The following PLTP variants were observed in gnomAD, a reference collection of about 807,000 sequenced individuals.
The protein encoded by PLTP is BPI fold containing family E.
PLTP carries 43 observed loss-of-function variants against 54.1 expected under a neutral mutation model. The ratio of observed to expected loss-of-function variants is 0.79; its 90% CI spans 0.62 to 1.02. PLTP has a LOEUF of 1.02. Among genes scored for constraint, PLTP ranks in the 50% least tolerant of loss-of-function variants. PLTP has a pLI of 0.00. For missense variants in PLTP, 604 were observed against 645.9 expected (o/e 0.94, Z 0.70); for synonymous variants, 263 against 264.6 (o/e 0.99, Z 0.06).
chr20:45,901,388 G>A (rs528944024), intron 12 of PLTP, among the ~76,000 whole-genome samples: 1 of 151,966 alleles, frequency 6.6e-6, no homozygotes, highest in African/African-American at 2.4e-5. Flanking sequence ...ACTTGAGCCC[G>A]AGAATTGGAG....
At chr20:45,899,812 G>GGGGCCCCCCCCCCCCCCCCCAC in intron 13 of PLTP, 24 bp downstream of exon 13, 1 of 309,346 alleles carries the variant, frequency 3.2e-6, no homozygotes, top group South Asian at 2.1e-5. Context: ...ACCCAGCCCA[G>GGGGCCCCCCCCCCCCCCCCCAC]CCCACCCACC....
chr20:45,899,614 A>G lies in PLTP; in HGVS notation c.1282+8T>C, dbSNP rs754936086. The G allele has an allele frequency of 6.2e-7, 1 of 1,613,870 alleles. No homozygotes were observed. The highest frequency in any genetic ancestry group is 8.5e-7 in the Non-Finnish European group (1 of 1,179,972). On this transcript the variant is annotated splice_region_variant and intron_variant, in intron 14 of 15. Transcript: ENST00000372431. ...CTTTCTTCCTCCATCCTCACACCCC[A>G]GCCTTACCATTGAGCATGGGCATCA...
chr20:45,903,873 T>C (rs1370543639), intron 10 of PLTP, among the ~76,000 whole-genome samples: 1 of 152,044 alleles, frequency 6.6e-6, no homozygotes, highest in Non-Finnish European at 1.5e-5. Flanking sequence ...TAAAAATTTA[T>C]TTTTCAATAG....
Position 45,907,566 on chromosome 20 carries a change from G to T in PLTP, c.613+126C>A, listed in dbSNP as rs529198412. On this transcript the variant is annotated intron_variant, in intron 7 of 15. Transcript: ENST00000372431. ...AGAAATGAGCACTTCACCCAAAATCGCACAACAAGTCAGCTCCAGGGGCCA... is the reference window on the plus strand; with the variant it reads ...AGAAATGAGCACTTCACCCAAAATCTCACAACAAGTCAGCTCCAGGGGCCA... 76 of 888,224 alleles carry T rather than the reference G, an allele frequency of 8.6e-5. No individual in the cohort carries two copies. In the African/African-American group the frequency reaches 1.2e-3, roughly 14 times the overall value. 55.0% of individuals were successfully genotyped at this position (888,224 alleles called of 1,614,324 possible). A position where few individuals can be genotyped will look rare whatever the true frequency, so the allele number is the denominator to read the frequency against.
chr20:45,900,649 T>G (rs1331244114), intron 12 of PLTP, among the ~76,000 whole-genome samples: 4 of 152,120 alleles, frequency 2.6e-5, no homozygotes, highest in African/African-American at 9.7e-5. Flanking sequence ...CACCTCAGGC[T>G]TCCAAGTAGC....
intron 13 of PLTP, 24 bp downstream of exon 13, chr20:45,899,812 G>GCCCCCCCCCCCC: frequency 3.2e-6 from 1 of 309,344 alleles, no homozygotes; most frequent in South Asian, 2.1e-5. Context: ...ACCCAGCCCA[G>GCCCCCCCCCCCC]CCCACCCACC....
At chr20:45,906,432 G>A in intron 7 of PLTP, 73 bp from the exon 8 acceptor site, 1 of 1,103,842 alleles carries the variant, frequency 9.1e-7, no homozygotes, top group Non-Finnish European at 1.4e-6. Flanking sequence ...CAGGCTCAGA[G>A]GCCCACCCAT....
rs1363122487 is a variant in PLTP, at chr20:45,904,867, G to A, written c.883-8C>T. ...GTCCAGGTCGTGGGGCACCTGAACAGGGGAATCAGGAGTGAGGGAGTGAGC... is the reference window on the plus strand; with the variant it reads ...GTCCAGGTCGTGGGGCACCTGAACAAGGGAATCAGGAGTGAGGGAGTGAGC... On this transcript the variant is annotated splice_region_variant and splice_polypyrimidine_tract_variant and intron_variant, in intron 9 of 15. Coordinates refer to ENST00000372431, the MANE Select transcript of PLTP (RefSeq NM_006227.4). 1.9e-6 allele frequency: 3 copies of A among 1,614,086 alleles called. No homozygotes were observed. Among genetic ancestry groups the A allele is most frequent in the East Asian group, 4.5e-5 (2 of 44,894 alleles).
chr20:45,902,800 A>C (rs2083199911), intron 10 of PLTP, among the ~76,000 whole-genome samples, 196 bp from the exon 11 acceptor site: 1 of 152,222 alleles, frequency 6.6e-6, no homozygotes, highest in Non-Finnish European at 1.5e-5. Flanking sequence ...AGAAACAGGA[A>C]TGTGTTCTTC....
intron 12 of PLTP, 90 bp downstream of exon 12, chr20:45,902,177 C>G: frequency 7.4e-7 from 1 of 1,352,126 alleles, no homozygotes. Flanking sequence ...CAGTGGCTTA[C>G]AGGTATCACT....
rs910566307 is a variant in PLTP at position 45,910,088 on chromosome 20, G to C, written c.201-18C>G. On this transcript the variant is annotated intron_variant, in intron 3 of 15. Transcript: ENST00000372431. ...CCTTCACCCTACAGGAGGCCTCAGG[G>C]TCAGATCCAGGGCCAAGAAGAGGGA... is the stretch of plus-strand genomic sequence containing the variant. The C allele has an allele frequency of 6.2e-7, 1 of 1,613,432 alleles. No homozygotes were observed.
chr20:45,905,001 A>T lies in PLTP; in HGVS notation c.823T>A (p.Ser275Thr). 6.2e-7 allele frequency: 1 copy of T among 1,614,232 alleles called. No homozygotes were observed. The highest frequency in any genetic ancestry group is 8.5e-7 in the Non-Finnish European group (1 of 1,180,044). ...YVAFSEFFFD[S>T]AMESYFRAGA... Reference sequence around the variant, plus strand: ...GCCCGGAAGTAGCTCTCCATGGCAGAGTCGAAGAAGAACTCAGAGAAGGCC... The same window carrying T: ...GCCCGGAAGTAGCTCTCCATGGCAGTGTCGAAGAAGAACTCAGAGAAGGCC... Residue 275 changes from serine (S) to threonine (T), a missense_variant, in exon 9 of 16, where the codon TCT (serine) becomes ACT (threonine). Physicochemically the swap from Ser to Thr is moderately conservative, Grantham distance 58 (BLOSUM62 1). Coordinates refer to ENST00000372431, the MANE Select transcript of PLTP (RefSeq NM_006227.4).
intron 5 of PLTP, 52 bp from the exon 6 acceptor site, chr20:45,907,956 C>T (rs1217589747): frequency 6.8e-7 from 1 of 1,473,962 alleles, no homozygotes; most frequent in Non-Finnish European, 9.3e-7. Flanking sequence ...CCACCCCAGT[C>T]CAGGTCCAGG....
rs986768403 is a variant in PLTP, at chr20:45,898,635, G to T, written c.*306C>A. 1.4e-6 allele frequency: 1 copy of T among 717,386 alleles called. No individual in the cohort carries two copies. The highest frequency in any genetic ancestry group is 2.7e-5 in the East Asian group (1 of 37,068). 44.4% of individuals were successfully genotyped at this position (717,386 alleles called of 1,614,324 possible). A position where few individuals can be genotyped will look rare whatever the true frequency, so the allele number is the denominator to read the frequency against. On this transcript the variant is annotated 3_prime_UTR_variant, in exon 16 of 16. Transcript: ENST00000372431. This position sits in a 1 kb window ranked among gnomAD's most constrained non-coding sequence, Gnocchi z 4.6. Reference sequence around the variant, plus strand: ...CCATAGACAGCCTGGGGGCAAGTTAGCACTTTATTCCCGCAGCAGTTCCTG... The same window carrying T: ...CCATAGACAGCCTGGGGGCAAGTTATCACTTTATTCCCGCAGCAGTTCCTG...
rs776690517 is a variant in PLTP at position 45,902,748 on chromosome 20, ACT to A, written c.943-146_943-145del. On this transcript the variant is annotated intron_variant, in intron 10 of 15. Transcript: ENST00000372431. ...TACAGAGGGAGCTCTGGCTTCCAAA[ACT>A]CTCACATCTGCATCTAGCCTTCATG... is the stretch of plus-strand genomic sequence containing the variant. 2.5e-5 allele frequency: 20 copies of A among 787,996 alleles called. No individual in the cohort carries two copies. In the South Asian group the frequency reaches 3.0e-4, roughly 12 times the overall value. 48.8% of individuals were successfully genotyped at this position (787,996 alleles called of 1,614,324 possible).
chr20:45,908,716 C>T (rs11569642), intron 5 of PLTP, among the ~76,000 whole-genome samples: 2,139 of 151,928 alleles, frequency 0.014, 22 homozygotes, highest in East Asian at 0.039. Context: ...GCAGGAGAAT[C>T]GTTTGAACCC....
intron 15 of PLTP, 51 bp downstream of exon 15, chr20:45,899,411 T>A: frequency 6.4e-7 from 1 of 1,574,672 alleles, no homozygotes; most frequent in Non-Finnish European, 8.7e-7. Flanking sequence ...ACTGGGGAGC[T>A]ATAGAGAGAG....
At chr20:45,902,198 C>G (rs1312679240) in intron 12 of PLTP, 69 bp downstream of exon 12, 4 of 1,516,088 alleles carry the variant, frequency 2.6e-6, no homozygotes. Flanking sequence ...GTACTTTAAG[C>G]GCAACATCCC....
intron 3 of PLTP, 131 bp downstream of exon 3, chr20:45,911,021 G>A (rs1265655823): frequency 5.6e-6 from 9 of 1,595,568 alleles, no homozygotes; most frequent in Non-Finnish European, 6.8e-6. Flanking sequence ...GGTTTCTTAA[G>A]TCTTGCCTCA....
Sources: allele counts gnomAD v4.1 joint callset (sites outside exome capture counted in the v4.1 genomes callset), GRCh38; gene constraint gnomAD v4.1.1; non-coding constraint Gnocchi (gnomAD v3.1); transcripts MANE v1.5; gene names NCBI Gene and HGNC (gene_info 2026-07-23, HGNC 2026-07-21).